The following EPB41L4B variants were observed in gnomAD, a reference collection of about 807,000 sequenced individuals.
EPB41L4B encodes the protein erythrocyte membrane protein band 4.1 like 4B.
In EPB41L4B, 30 loss-of-function variants were observed where a neutral mutation model predicts 112.5. That is an observed-to-expected ratio of 0.27 (90% CI 0.20 to 0.36). The LOEUF is 0.36. EPB41L4B is among the 10% of genes least tolerant of loss of function. EPB41L4B has a pLI of 1.00. For synonymous variants in EPB41L4B, 408 were observed against 439.7 expected (o/e 0.93, Z 0.90); for missense variants, 1,024 against 1,133.3 (o/e 0.90, Z 1.38).
intron 1 of EPB41L4B, among the ~76,000 whole-genome samples, chr9:109,309,753 CACAGAGAGAGAG>C (rs1837344530): frequency 7.3e-6 from 1 of 137,444 alleles, no homozygotes; most frequent in African/African-American, 2.9e-5. Context: ...GAAATACACA[CACAGAGAGAGAG>C]AGAGAGAGAG....
intron 25 of EPB41L4B, among the ~76,000 whole-genome samples, chr9:109,175,468 A>AACACACACAC (rs59210551): frequency 0.031 from 3,959 of 129,330 alleles, 101 homozygotes; most frequent in Middle Eastern, 0.049. Context: ...CCACTGTTTA[A>AACACACACAC]ACACACACAC....
Position 109,208,001 on chromosome 9 carries a change from G to A in EPB41L4B, c.1801C>T (p.Pro601Ser). Residue 601 changes from proline to serine, a missense_variant, in exon 18 of 26, where the codon CCT (proline) becomes TCT (serine). Pro to Ser is a moderately conservative substitution (Grantham distance 74). Coordinates refer to ENST00000374566, the MANE Select transcript of EPB41L4B (RefSeq NM_019114.5). ...TTCACATGATCCGCAACAGGGGAAG[G>A]CAAAAGTGGAGTCTGAAGAGTTTTC... Reference protein sequence around the residue: ...SEKTLQTPLLPSPVADHVKCN... With the variant: ...SEKTLQTPLLSSPVADHVKCN... 1.2e-6 allele frequency: 2 copies of A among 1,614,180 alleles called. No individual in the cohort carries two copies. Among genetic ancestry groups the A allele is most frequent in the Non-Finnish European group, 1.7e-6 (2 of 1,180,026 alleles).
chr9:109,217,200 C>T, intron 15 of EPB41L4B, 55 bp from the exon 16 acceptor site: 3 of 1,540,210 alleles, frequency 1.9e-6, no homozygotes, highest in South Asian at 2.2e-5. Context: ...TGCAAGCCCT[C>T]TGTGTACTTT....
rs114036183 is a variant in EPB41L4B, at chr9:109,293,360, C to G, written c.307-13439G>C. 6.9e-3 allele frequency among the ~76,000 whole-genome samples: 994 copies of G among 145,082 alleles called. 9 individuals are homozygous for G. The highest frequency in any genetic ancestry group is 0.024 in the African/African-American group (918 of 38,886). ...TTTCATTTGCTTGAAGACAAGGAAG[C>G]AGAATAAACATATGCATTCTTTTTT... is the stretch of plus-strand genomic sequence containing the variant. On this transcript the variant is annotated intron_variant, in intron 1 of 25. Transcript: ENST00000374566.
chr9:109,289,329 G>T (rs1836436408), intron 1 of EPB41L4B, among the ~76,000 whole-genome samples: 1 of 152,094 alleles, frequency 6.6e-6, no homozygotes, highest in African/African-American at 2.4e-5. Context: ...TCCTTCCTTT[G>T]CCTAGGATGC....
At chr9:109,275,472 C>G (rs1037142732) in intron 2 of EPB41L4B, among the ~76,000 whole-genome samples, 1 of 152,180 alleles carries the variant, frequency 6.6e-6, no homozygotes, top group African/African-American at 2.4e-5. Context: ...AGCAGACTCT[C>G]CCAAAAGCCT....
Position 109,173,730 on chromosome 9 carries a change from A to G in EPB41L4B, c.*824T>C, listed in dbSNP as rs1007709521. The stretch of plus-strand genomic sequence containing the variant: ...TATTCCTGCAAAGTTGTTCAAGTGC[A>G]TTAATAAAAATTTAAAAACACATTT... On this transcript the variant is annotated 3_prime_UTR_variant, in exon 26 of 26. Transcript: ENST00000374566. The G allele has an allele frequency of 1.3e-5, 2 of 152,678 alleles. No individual in the cohort carries two copies. The highest frequency in any genetic ancestry group is 2.4e-5 in the African/African-American group (1 of 41,464). 9.5% of individuals were successfully genotyped at this position (152,678 alleles called of 1,614,324 possible). A position where few individuals can be genotyped will look rare whatever the true frequency, so the allele number is the denominator to read the frequency against.
chr9:109,249,068 A>AT (rs1335587254), intron 13 of EPB41L4B, among the ~76,000 whole-genome samples: 77 of 147,316 alleles, frequency 5.2e-4, no homozygotes, highest in Admixed American at 1.4e-3. Context: ...CAAAAAAAAA[A>AT]AAAAATATAT....
chr9:109,240,336 C>T (rs1834310884), intron 15 of EPB41L4B: 1 of 985,246 alleles, frequency 1.0e-6, no homozygotes, highest in Admixed American at 6.2e-5. Context: ...GTAGTCAGCT[C>T]CACTGTGCAA....
intron 15 of EPB41L4B, among the ~76,000 whole-genome samples, chr9:109,236,215 G>T (rs1834135659): frequency 6.6e-6 from 1 of 152,174 alleles, no homozygotes; most frequent in African/African-American, 2.4e-5. Context: ...TCTGAAGTGG[G>T]AAGGGAGGGC....
intron 15 of EPB41L4B, among the ~76,000 whole-genome samples, chr9:109,232,197 G>A (rs548258684): frequency 1.3e-5 from 2 of 151,908 alleles, no homozygotes; most frequent in African/African-American, 4.8e-5. Context: ...TCACTATGCT[G>A]GCCAGGCTGG....
At chr9:109,301,689 C>T (rs560287860) in intron 1 of EPB41L4B, among the ~76,000 whole-genome samples, 4 of 152,322 alleles carry the variant, frequency 2.6e-5, no homozygotes, top group South Asian at 4.1e-4. Context: ...GCAGTTTTGG[C>T]TAATCTCATG....
At chr9:109,237,912 G>A (rs910764316) in intron 15 of EPB41L4B, among the ~76,000 whole-genome samples, 2 of 152,044 alleles carry the variant, frequency 1.3e-5, no homozygotes, top group Non-Finnish European at 2.9e-5. Flanking sequence ...TGGCTGGAGG[G>A]AGTGGATGGC....
chr9:109,183,891 A>C (rs1014530357), intron 23 of EPB41L4B, among the ~76,000 whole-genome samples: 1 of 152,224 alleles, frequency 6.6e-6, no homozygotes, highest in Non-Finnish European at 1.5e-5. Context: ...CTCAGACCCA[A>C]ATCAGCCAAG....
intron 1 of EPB41L4B, among the ~76,000 whole-genome samples, chr9:109,284,878 T>C (rs532353013): frequency 6.6e-6 from 1 of 152,222 alleles, no homozygotes; most frequent in Non-Finnish European, 1.5e-5. Flanking sequence ...CCTATTATCA[T>C]GGCTCAAGTG....
chr9:109,179,359 G>C (rs546383171), intron 24 of EPB41L4B, among the ~76,000 whole-genome samples: 1 of 152,290 alleles, frequency 6.6e-6, no homozygotes, highest in African/African-American at 2.4e-5. Flanking sequence ...GAGGCCTGTG[G>C]AGAGGCCAAA....
intron 2 of EPB41L4B, among the ~76,000 whole-genome samples, chr9:109,271,641 T>G (rs1314609449): frequency 6.6e-6 from 1 of 152,192 alleles, no homozygotes; most frequent in African/African-American, 2.4e-5. Context: ...AGGACTGTAT[T>G]CAGCAGCGGC....
intron 20 of EPB41L4B, chr9:109,196,456 T>C (rs1832643617): frequency 6.6e-6 from 1 of 152,320 alleles, no homozygotes; most frequent in East Asian, 1.9e-4. Context: ...CAGAGGCTAA[T>C]GCCTGTAATC....
intron 17 of EPB41L4B, among the ~76,000 whole-genome samples, chr9:109,209,646 C>CAAA (rs34135848): frequency 0.06 from 8,075 of 134,590 alleles, 338 homozygotes; most frequent in Admixed American, 0.14. Context: ...AACCCTGTCT[C>CAAA]AAAAAAAAAA....
Sources: allele counts gnomAD v4.1 joint callset (sites outside exome capture counted in the v4.1 genomes callset), GRCh38; gene constraint gnomAD v4.1.1; transcripts MANE v1.5; gene names NCBI Gene and HGNC (gene_info 2026-07-23, HGNC 2026-07-21).